Variants in MGAT4B observed in about 807,000 individuals in gnomAD.
The protein encoded by MGAT4B is N-acetylglucosaminyltransferase IVb.
Under a neutral mutation model 73.9 loss-of-function variants are expected in MGAT4B, and 38 were observed. The ratio of observed to expected loss-of-function variants is 0.51; its 90% CI spans 0.40 to 0.67. The LOEUF is 0.67. Among genes scored for constraint, MGAT4B ranks in the 30% least tolerant of loss-of-function variants. The probability of loss-of-function intolerance (pLI) is 0.00; values close to 1 mark genes in which losing one functional copy is unlikely to be tolerated. For missense variants in MGAT4B, 686 were observed against 735.2 expected (o/e 0.93, Z 0.77); for synonymous variants, 373 against 313.5 (o/e 1.19, Z -2.01).
In MGAT4B at chr5:179,805,825, G is replaced by A. The variant is rs983821765; in HGVS notation, c.97+662C>T. ...CACCATCGCCAAGACCGGCCAGCGG[G>A]GCGGCGCGGGGGGATCGGCCCGCAC... On this transcript the variant is annotated intron_variant, in intron 1 of 14. Coordinates refer to ENST00000292591, the MANE Select transcript of MGAT4B (RefSeq NM_014275.5). Among the ~76,000 whole-genome samples the A allele has an allele frequency of 5.3e-4, 80 of 152,348 alleles. 1 individual carries two copies. Among genetic ancestry groups the A allele is most frequent in the African/African-American group, 1.8e-3 (73 of 41,588 alleles).
chr5:179,801,509 C>T lies in MGAT4B; in HGVS notation c.425-42G>A, dbSNP rs754117354. 1.9e-6 allele frequency: 3 copies of T among 1,602,338 alleles called. No homozygotes were observed. Among genetic ancestry groups the T allele is most frequent in the Admixed American group, 1.7e-5 (1 of 59,704 alleles). On this transcript the variant is annotated intron_variant, in intron 3 of 14. Transcript: ENST00000292591. This position sits in a 1 kb window ranked among gnomAD's most constrained non-coding sequence, Gnocchi z 4.8. ...CCCGACGCTGGAAAGGGTGCGGGGG[C>T]CACCCGTCCCCCCACCCCGTGCTCC...
intron 6 of MGAT4B, 106 bp downstream of exon 6, chr5:179,800,378 G>A: frequency 6.9e-7 from 1 of 1,440,888 alleles, no homozygotes; most frequent in Non-Finnish European, 9.7e-7. Flanking sequence ...GTCCTCCCAT[G>A]GAGAATTCAG....
At position 179,801,861 on chromosome 5, in the gene MGAT4B, T is replaced by G; in HGVS notation, c.206A>C (p.Asp69Ala). The change falls in exon 2 of 15, where the codon GAC becomes GCC. Residue 69 changes from aspartate (D) to alanine (A), a missense_variant. By Grantham distance (126) the Asp-to-Ala change is moderately radical. This residue lies in a region of MGAT4B where 237 missense variants were observed against 198.5 expected (regional missense o/e 1.19). Coordinates refer to ENST00000292591, the MANE Select transcript of MGAT4B (RefSeq NM_014275.5). This position sits in a 1 kb window ranked among gnomAD's most constrained non-coding sequence, Gnocchi z 4.8. ...KRSKELNLVL[D>A]EIKRAVSERQ... ...TTCTGACACGGCCCTCTTGATCTCGTCCAGCACCAGGTTGAGCTCCTTGGA... is the reference window on the plus strand; with the variant it reads ...TTCTGACACGGCCCTCTTGATCTCGGCCAGCACCAGGTTGAGCTCCTTGGA... 2 of 1,611,834 alleles carry G rather than the reference T, an allele frequency of 1.2e-6. No homozygotes were observed. Among genetic ancestry groups the G allele is most frequent in the Non-Finnish European group, 1.7e-6 (2 of 1,178,698 alleles).
chr5:179,802,200 C>T lies in MGAT4B; in HGVS notation c.98-231G>A, dbSNP rs958994311. On this transcript the variant is annotated intron_variant, in intron 1 of 14. Coordinates refer to ENST00000292591, the MANE Select transcript of MGAT4B (RefSeq NM_014275.5). ...GCCCTCTTCCAGTACTCTCCCCCAC[C>T]GGGGGTTATTTTATCCTCTGAGAAG... 4.9e-5 allele frequency: 73 copies of T among 1,481,860 alleles called. No homozygotes were observed. The African/African-American group carries it at 7.1e-4, about 14-fold the overall frequency. The allele number at this position is 1,481,860 out of a possible 1,614,324, so 91.8% of individuals were successfully genotyped here. A position where few individuals can be genotyped will look rare whatever the true frequency, so the allele number is the denominator to read the frequency against.
At chr5:179,800,153 AG>A in intron 7 of MGAT4B, 30 bp downstream of exon 7, 1 of 1,612,852 alleles carries the variant, frequency 6.2e-7, no homozygotes, top group South Asian at 1.1e-5. Flanking sequence ...GGCGCAGGGC[AG>A]GGCAGGGCAA....
intron 1 of MGAT4B, 191 bp from the exon 2 acceptor site, chr5:179,802,160 A>T (rs772813454): frequency 6.0e-6 from 9 of 1,505,282 alleles, no homozygotes; most frequent in Non-Finnish European, 4.4e-6. Context: ...CATGGGGAGA[A>T]AACCAGGGGA....
rs1333838519 is a variant in MGAT4B, at chr5:179,798,033, G to C, written c.*12C>G. The C allele has an allele frequency of 1.2e-6, 2 of 1,606,178 alleles. No homozygotes were observed. Among genetic ancestry groups the C allele is most frequent in the African/African-American group, 1.3e-5 (1 of 74,948 alleles). ...CAGGGCTGGCCACAGGGTACCCTCAGAAGCCCGCAGCTTAGTCGGCCTTTT... is the reference window on the plus strand; with the variant it reads ...CAGGGCTGGCCACAGGGTACCCTCACAAGCCCGCAGCTTAGTCGGCCTTTT... On this transcript the variant is annotated 3_prime_UTR_variant, in exon 15 of 15. Transcript: ENST00000292591.
At chr5:179,803,100 C>CA (rs1331518591) in intron 1 of MGAT4B, 1 of 985,452 alleles carries the variant, frequency 1.0e-6, no homozygotes, top group Non-Finnish European at 1.2e-6. Flanking sequence ...CCGAAACGGG[C>CA]AGGAGGTCGA....
Position 179,799,297 on chromosome 5 carries a change from C to T in MGAT4B, c.1055G>A (p.Arg352Gln), listed in dbSNP as rs1163145003. Residue 352 changes from arginine (R) to glutamine (Q), a missense_variant, in exon 10 of 15, where the codon CGG (arginine) becomes CAG (glutamine). Transcript: ENST00000292591. ...NPEKDAKHCD[R>Q]QKANLRIRFK... The stretch of plus-strand genomic sequence containing the variant: ...GCGGATCCGCAGGTTGGCTTTCTGC[C>T]GGTCACAGTGCTTCTGTGGAGGGTG... The T allele has an allele frequency of 7.4e-6, 12 of 1,613,620 alleles. No individual in the cohort carries two copies. Among genetic ancestry groups the T allele is most frequent in the Non-Finnish European group, 1.0e-5 (12 of 1,179,978 alleles).
chr5:179,805,589 G>A (rs1400784113), intron 1 of MGAT4B, among the ~76,000 whole-genome samples: 1 of 152,246 alleles, frequency 6.6e-6, no homozygotes, highest in African/African-American at 2.4e-5. Flanking sequence ...CGGAGGGTCC[G>A]GAAGGGTCCA....
At chr5:179,800,716 A>ACC (rs1229694481) in intron 5 of MGAT4B, 119 bp from the exon 6 acceptor site, 3 of 992,484 alleles carry the variant, frequency 3.0e-6, no homozygotes, top group Non-Finnish European at 4.6e-6. Context: ...CACCCCCTAC[A>ACC]CCCAGCCAAC....
chr5:179,798,196 G>T lies in MGAT4B; in HGVS notation c.1592C>A (p.Thr531Lys), dbSNP rs1455743435. The T allele has an allele frequency of 3.1e-6, 5 of 1,598,170 alleles. No individual in the cohort carries two copies. The highest frequency in any genetic ancestry group is 4.3e-6 in the Non-Finnish European group (5 of 1,171,366). The change falls in exon 14 of 15, where the codon ACG becomes AAG. Residue 531 changes from threonine to lysine, a missense_variant. Physicochemically the swap from Thr to Lys is moderately conservative, Grantham distance 78 (BLOSUM62 -1). This residue lies in a region of MGAT4B where 449 missense variants were observed against 536.8 expected (regional missense o/e 0.84). Coordinates refer to ENST00000292591, the MANE Select transcript of MGAT4B (RefSeq NM_014275.5). ...CAGAATCACCCACACAGGGGAGTCC[G>T]TCTGGATCGAGAGGCGCAGTGCTTC... ...PLEALRLSIQ[T>K]DSPVWVILSE...
chr5:179,799,483 C>G, intron 9 of MGAT4B, 23 bp downstream of exon 9: 2 of 1,613,364 alleles, frequency 1.2e-6, no homozygotes, highest in South Asian at 2.2e-5. Flanking sequence ...CTGCCCCTGC[C>G]AGTCCCGCCA....
In MGAT4B at chr5:179,801,485, CCG is replaced by C; in HGVS notation, c.425-20_425-19del. 1 of 1,603,144 alleles carries C rather than the reference CCG, an allele frequency of 6.2e-7. No individual in the cohort carries two copies. The highest frequency in any genetic ancestry group is 8.5e-7 in the Non-Finnish European group (1 of 1,172,620). Reference sequence around the variant, plus strand: ...CACCGACACTATGGGGGACGGAGGCCCGACGCTGGAAAGGGTGCGGGGGCCAC... The same window carrying C: ...CACCGACACTATGGGGGACGGAGGCCACGCTGGAAAGGGTGCGGGGGCCAC... On this transcript the variant is annotated intron_variant, in intron 3 of 14. Transcript: ENST00000292591. This position sits in a 1 kb window ranked among gnomAD's most constrained non-coding sequence, Gnocchi z 4.8.
chr5:179,797,973 G>A lies in MGAT4B; in HGVS notation c.*72C>T. 1 of 1,546,360 alleles carries A rather than the reference G, an allele frequency of 6.5e-7. No homozygotes were observed. Among genetic ancestry groups the A allele is most frequent in the South Asian group, 1.2e-5 (1 of 85,064 alleles). On this transcript the variant is annotated 3_prime_UTR_variant, in exon 15 of 15. Coordinates refer to ENST00000292591, the MANE Select transcript of MGAT4B (RefSeq NM_014275.5). ...GCGGGGCCGTATCTGGCCCTCCGGG[G>A]ACGGCAGTGACGACACCCCCAGAAA...
In MGAT4B at chr5:179,799,080, C is replaced by T; in HGVS notation, c.1191G>A (p.Val397=). 1 of 1,613,952 alleles carries T rather than the reference C, an allele frequency of 6.2e-7. No individual in the cohort carries two copies. Among genetic ancestry groups the T allele is most frequent in the South Asian group, 1.1e-5 (1 of 91,092 alleles). The stretch of plus-strand genomic sequence containing the variant: ...TCGTGCTCACCTCTGCTGGCGGGTT[C>T]ACATGCTCCTTCCGCAGCGCCTGCT... ...FGKQALRKEH[V]NPPAEVSTSL... is the part of the protein sequence containing the mutation. Residue 397 remains valine (V), a synonymous_variant, in exon 11 of 15, where the codon GTG becomes GTA. Transcript: ENST00000292591.
intron 1 of MGAT4B, among the ~76,000 whole-genome samples, chr5:179,804,246 C>G (rs1270285108): frequency 6.6e-6 from 1 of 152,240 alleles, no homozygotes; most frequent in South Asian, 2.1e-4. Context: ...CTCAGAGGGG[C>G]ATAGGCAGAT....
At chr5:179,802,762 C>G in intron 1 of MGAT4B, 1 of 985,600 alleles carries the variant, frequency 1.0e-6, no homozygotes, top group Non-Finnish European at 1.2e-6. Context: ...AGAGGCACCA[C>G]CAGTCTGGCA....
intron 1 of MGAT4B, chr5:179,805,258 G>A (rs994081511): frequency 2.0e-5 from 3 of 152,294 alleles, no homozygotes; most frequent in Admixed American, 2.0e-4. Context: ...GCATGCCCCA[G>A]CCCTTCAGAT....
Sources: gnomAD v4.1 joint callset for allele counts (sites outside exome capture counted in the v4.1 genomes callset) on GRCh38, gnomAD v4.1.1 for gene constraint, gnomAD v4.1.1 regional missense constraint, Gnocchi (gnomAD v3.1) non-coding constraint, MANE v1.5 for transcripts, NCBI Gene and HGNC (gene_info 2026-07-23, HGNC 2026-07-21) for gene names.